The following ORC2 variants were observed in gnomAD, a reference collection of about 807,000 sequenced individuals.
ORC2 encodes the protein origin recognition complex subunit 2.
In ORC2, 37 loss-of-function variants were observed where a neutral mutation model predicts 77.7. The ratio of observed to expected loss-of-function variants is 0.48; its 90% CI spans 0.37 to 0.63. ORC2 has a LOEUF of 0.63. Among genes scored for constraint, ORC2 ranks in the 20% least tolerant of loss-of-function variants. ORC2 has a pLI of 0.00. For missense variants in ORC2, 557 were observed against 661.9 expected (o/e 0.84, Z 1.74); for synonymous variants, 201 against 229.5 (o/e 0.88, Z 1.12).
At chr2:200,913,502 T>C in intron 16 of ORC2, 89 bp from the exon 17 acceptor site, 1 of 1,435,780 alleles carries the variant, frequency 7.0e-7, no homozygotes, top group South Asian at 1.4e-5. Context: ...AGAATAAAAG[T>C]GCTATTTGCA....
intron 9 of ORC2, among the ~76,000 whole-genome samples, chr2:200,934,558 G>C (rs2041001937): frequency 6.6e-6 from 1 of 150,826 alleles, no homozygotes; most frequent in Non-Finnish European, 1.5e-5. Flanking sequence ...CAAACTCCTG[G>C]CCTCAAGCAA....
chr2:200,910,164 G>C lies in ORC2; in HGVS notation c.*1137C>G, dbSNP rs956163073. On this transcript the variant is annotated 3_prime_UTR_variant, in exon 18 of 18. Transcript: ENST00000234296. ...GGTTTACAAGATAAGAAATGAGTGA[G>C]AAATGCTGACGTAGTACGTATTTTA... 13 of 152,216 alleles carry C rather than the reference G, an allele frequency of 8.5e-5. No individual in the cohort carries two copies. Among genetic ancestry groups the C allele is most frequent in the Admixed American group, 5.9e-4 (9 of 15,286 alleles). The allele number at this position is 152,216 out of a possible 1,614,324, so 9.4% of individuals were successfully genotyped here.
chr2:200,911,594 C>T (rs1299733041), intron 17 of ORC2, among the ~76,000 whole-genome samples: 1 of 152,050 alleles, frequency 6.6e-6, no homozygotes, highest in Non-Finnish European at 1.5e-5. Flanking sequence ...AGACAACTAA[C>T]TAGAGGGTGG....
Position 200,940,758 on chromosome 2 carries a change from C to T in ORC2, c.453+490G>A, listed in dbSNP as rs578255224. Among the ~76,000 whole-genome samples the T allele has an allele frequency of 4.6e-5, 7 of 152,126 alleles. No individual in the cohort carries two copies. The South Asian group carries it at 1.5e-3, about 32-fold the overall frequency. ...TGGAGGTTGCAGTGAGCCGAGACCA[C>T]GCCACTGCACTCCAGCCTGGGCGAC... On this transcript the variant is annotated intron_variant, in intron 7 of 17. Coordinates refer to ENST00000234296, the MANE Select transcript of ORC2 (RefSeq NM_006190.5).
At position 200,926,687 on chromosome 2, in the gene ORC2, T is replaced by C. The variant is rs537372271; in HGVS notation, c.1050+81A>G. 1.2e-4 allele frequency: 167 copies of C among 1,432,472 alleles called. 1 individual carries two copies. Among genetic ancestry groups the C allele is most frequent in the South Asian group, 1.1e-3 (96 of 83,686 alleles). The allele number at this position is 1,432,472 out of a possible 1,614,324, so 88.7% of individuals were successfully genotyped here. A position where few individuals can be genotyped will look rare whatever the true frequency, so the allele number is the denominator to read the frequency against. ...CGTGAAGGCTAAAACAAAAATTCTT[T>C]AATACTCCATCCTCATTTATGTGGG... On this transcript the variant is annotated intron_variant, in intron 12 of 17. Transcript: ENST00000234296.
At chr2:200,928,804 A>G (rs534988348) in intron 11 of ORC2, among the ~76,000 whole-genome samples, 1 of 149,722 alleles carries the variant, frequency 6.7e-6, no homozygotes, top group African/African-American at 2.5e-5. Flanking sequence ...ACAGAGCAAG[A>G]CTCTGTCTCA....
intron 15 of ORC2, among the ~76,000 whole-genome samples, chr2:200,915,160 A>G (rs1304644268): frequency 6.6e-6 from 1 of 151,560 alleles, no homozygotes; most frequent in Non-Finnish European, 1.5e-5. Flanking sequence ...GATTATAGGC[A>G]TGTGCCACCA....
At chr2:200,934,947 T>C (rs1334624009) in intron 9 of ORC2, among the ~76,000 whole-genome samples, 1 of 152,224 alleles carries the variant, frequency 6.6e-6, no homozygotes, top group African/African-American at 2.4e-5. Context: ...TTCTTCCAAA[T>C]GACTCAACAT....
At chr2:200,924,751 T>C (rs754219880) in intron 13 of ORC2, among the ~76,000 whole-genome samples, 14 of 152,060 alleles carry the variant, frequency 9.2e-5, no homozygotes, top group Non-Finnish European at 1.8e-4. Flanking sequence ...AATAAAGAAA[T>C]AATGTTTTAT....
intron 10 of ORC2, among the ~76,000 whole-genome samples, chr2:200,933,668 C>T (rs2040982367): frequency 2.0e-5 from 3 of 152,282 alleles, no homozygotes; most frequent in South Asian, 4.1e-4. Context: ...CTTGGCCTCC[C>T]AAGGTGCTGA....
intron 4 of ORC2, among the ~76,000 whole-genome samples, chr2:200,955,205 T>C (rs2041446123): frequency 1.3e-5 from 2 of 152,240 alleles, no homozygotes; most frequent in Admixed American, 1.3e-4. Context: ...TGTGGAATAC[T>C]GTTATCAATC....
intron 4 of ORC2, among the ~76,000 whole-genome samples, chr2:200,954,853 C>CA (rs902141535): frequency 6.7e-6 from 1 of 148,798 alleles, no homozygotes; most frequent in Non-Finnish European, 1.5e-5. Context: ...GGCATGATGC[C>CA]AAAAAATAAG....
intron 13 of ORC2, among the ~76,000 whole-genome samples, chr2:200,923,769 A>C (rs1198398387): frequency 6.6e-6 from 1 of 152,154 alleles, no homozygotes; most frequent in African/African-American, 2.4e-5. Flanking sequence ...AAGCAGAAAA[A>C]TGTGAAAAAC....
At chr2:200,912,265 T>G (rs4381763) in intron 17 of ORC2, among the ~76,000 whole-genome samples, 42,328 of 152,122 alleles carry the variant, frequency 0.28, 8,307 homozygotes, top group African/African-American at 0.55. Context: ...CTCCAACCCA[T>G]ATCTTTCCTC....
At chr2:200,930,895 G>A (rs1276435764) in intron 11 of ORC2, among the ~76,000 whole-genome samples, 1 of 152,006 alleles carries the variant, frequency 6.6e-6, no homozygotes, top group Non-Finnish European at 1.5e-5. Flanking sequence ...AATGCTTATA[G>A]AACAAATCTG....
intron 8 of ORC2, among the ~76,000 whole-genome samples, 177 bp downstream of exon 8, chr2:200,937,729 A>G (rs948966402): frequency 2.0e-5 from 3 of 152,234 alleles, no homozygotes; most frequent in Non-Finnish European, 4.4e-5. Flanking sequence ...AAGACCTTTT[A>G]GCTGACTTCA....
chr2:200,949,725 T>A lies in ORC2; in HGVS notation c.239-82A>T. ...AAATTTTAACAAAAAAACTTAAGAT[T>A]TGTACCCCTCATAGCCTTGCATAAA... On this transcript the variant is annotated intron_variant, in intron 4 of 17. Transcript: ENST00000234296. 3 of 716,328 alleles carry A rather than the reference T, an allele frequency of 4.2e-6. No homozygotes were observed. The South Asian group carries it at 4.9e-5, about 12-fold the overall frequency. 44.4% of individuals were successfully genotyped at this position (716,328 alleles called of 1,614,324 possible).
chr2:200,918,297 G>T (rs1456480097), intron 15 of ORC2, among the ~76,000 whole-genome samples: 2 of 152,090 alleles, frequency 1.3e-5, no homozygotes, highest in African/African-American at 2.4e-5. Flanking sequence ...TGAGATGTTT[G>T]TATTTTGAGC....
In ORC2 at chr2:200,909,521, T is replaced by C. The variant is rs1322159844; in HGVS notation, c.*1780A>G. ...GAATTCGAGACCAGCCTGGCCAACA[T>C]GGTGAAACCCCATCTCTGCTAAAAA... On this transcript the variant is annotated 3_prime_UTR_variant, in exon 18 of 18. Transcript: ENST00000234296. 1 of 152,008 alleles carries C rather than the reference T, an allele frequency of 6.6e-6. No homozygotes were observed. Among genetic ancestry groups the C allele is most frequent in the African/African-American group, 2.4e-5 (1 of 41,452 alleles). The allele number at this position is 152,008 out of a possible 1,614,324, so 9.4% of individuals were successfully genotyped here.
Sources: gnomAD v4.1 joint callset for allele counts (sites outside exome capture counted in the v4.1 genomes callset) on GRCh38, gnomAD v4.1.1 for gene constraint, MANE v1.5 for transcripts, NCBI Gene and HGNC (gene_info 2026-07-23, HGNC 2026-07-21) for gene names.